IQCH: variants seen among roughly 807,000 people sequenced by gnomAD.
IQCH encodes IQ motif containing H, also known as IQ domain-containing protein H.
A neutral mutation model predicts 117.0 loss-of-function variants in IQCH; 98 were observed. The ratio of observed to expected loss-of-function variants is 0.84; its 90% CI spans 0.71 to 0.99. The LOEUF (loss-of-function observed/expected upper bound fraction) is 0.99. IQCH is among the 50% of genes least tolerant of loss of function. The pLI, the probability that IQCH is intolerant of heterozygous loss-of-function variation, is 0.00. For synonymous variants in IQCH, 412 were observed against 448.2 expected (o/e 0.92, Z 1.02); for missense variants, 1,102 against 1,243.8 (o/e 0.89, Z 1.72).
At chr15:67,278,794 T>G (rs1966233234) in intron 3 of IQCH, among the ~76,000 whole-genome samples, 1 of 152,194 alleles carries the variant, frequency 6.6e-6, no homozygotes, top group Admixed American at 6.5e-5. Context: ...ATATTGATAA[T>G]CTTAAAGATC....
rs576214156 is a variant in IQCH at position 67,342,805 on chromosome 15, A to G, written c.509-1258A>G. On this transcript the variant is annotated intron_variant, in intron 5 of 20. Transcript: ENST00000335894. This position sits in a 1 kb window ranked among gnomAD's most constrained non-coding sequence, Gnocchi z 4.7. ...AACCTGGAGTGCTTATTTAACATGT[A>G]TGTTACTGGGCCCCAATTCTAGTGG... Among the ~76,000 whole-genome samples the G allele has an allele frequency of 2.4e-4, 37 of 152,254 alleles. No homozygotes were observed. Among genetic ancestry groups the G allele is most frequent in the African/African-American group, 6.7e-4 (28 of 41,548 alleles).
Position 67,384,107 on chromosome 15 carries a change from G to C in IQCH, c.1373-829G>C, listed in dbSNP as rs1971029953. Among the ~76,000 whole-genome samples the C allele has an allele frequency of 6.6e-6, 1 of 152,052 alleles. No individual in the cohort carries two copies. Among genetic ancestry groups the C allele is most frequent in the Non-Finnish European group, 1.5e-5 (1 of 68,004 alleles). ...AGGCATTGAAGCATCTCTTCAAAAT[G>C]TGAAAAGCAATTTTAATGAAGAAAA... On this transcript the variant is annotated intron_variant, in intron 10 of 20. Coordinates refer to ENST00000335894, the MANE Select transcript of IQCH (RefSeq NM_001031715.3). The surrounding 1 kb of genome is among the most constrained non-coding windows in gnomAD (Gnocchi z 4.3).
chr15:67,350,457 C>T (rs1323858685), intron 6 of IQCH, among the ~76,000 whole-genome samples: 3 of 152,032 alleles, frequency 2.0e-5, no homozygotes, highest in Non-Finnish European at 2.9e-5. Context: ...AATGGAGTCT[C>T]GCTCTGTTGC....
At position 67,472,063 on chromosome 15, in the gene IQCH, G is replaced by GTGAC. The variant is rs1451513529; in HGVS notation, c.2677-3632_2677-3629dup. On this transcript the variant is annotated intron_variant, in intron 17 of 20. Coordinates refer to ENST00000335894, the MANE Select transcript of IQCH (RefSeq NM_001031715.3). This position sits in a 1 kb window ranked among gnomAD's most constrained non-coding sequence, Gnocchi z 4.3. ...ATACACATGGATAAATGCCATTTGA[G>GTGAC]TGACAGACCCTCAGCTTGCTGCCAG... Among the ~76,000 whole-genome samples the GTGAC allele has an allele frequency of 6.6e-6, 1 of 152,210 alleles. No homozygotes were observed. The highest frequency in any genetic ancestry group is 1.5e-5 in the Non-Finnish European group (1 of 68,042).
chr15:67,339,686 T>C (rs945051156), intron 5 of IQCH, among the ~76,000 whole-genome samples: 6 of 152,142 alleles, frequency 3.9e-5, no homozygotes. Flanking sequence ...TTAAAAAAAT[T>C]CTTACAATCT....
chr15:67,275,239 A>G (rs1278807081), intron 3 of IQCH, among the ~76,000 whole-genome samples: 1 of 152,186 alleles, frequency 6.6e-6, no homozygotes, highest in Non-Finnish European at 1.5e-5. Flanking sequence ...CTGGTTGTCA[A>G]CCTTGATCTC....
At position 67,362,131 on chromosome 15, in the gene IQCH, C is replaced by T. The variant is rs193067451; in HGVS notation, c.753+2246C>T. Among the ~76,000 whole-genome samples the T allele has an allele frequency of 6.4e-4, 76 of 118,332 alleles. No individual in the cohort carries two copies. In the Admixed American group the frequency reaches 6.6e-3, roughly 10 times the overall value. The allele number at this position is 118,332 out of a possible 152,430, so 77.6% of individuals were successfully genotyped here. A position where few individuals can be genotyped will look rare whatever the true frequency, so the allele number is the denominator to read the frequency against. On this transcript the variant is annotated intron_variant, in intron 8 of 20. Coordinates refer to ENST00000335894, the MANE Select transcript of IQCH (RefSeq NM_001031715.3). ...GGATGTTAACTTTATATATATATAA[C>T]ATACATATACGCACACACCACACAC...
In IQCH at chr15:67,413,967, A is replaced by G. The variant is rs1056766960; in HGVS notation, c.2098-2964A>G. On this transcript the variant is annotated intron_variant, in intron 14 of 20. Coordinates refer to ENST00000335894, the MANE Select transcript of IQCH (RefSeq NM_001031715.3). The surrounding 1 kb of genome is among the most constrained non-coding windows in gnomAD (Gnocchi z 5.0). ...CTGGCACAGTGTCCAGATGCCACAC[A>G]CAAGCAGCAGGCTGATGAGTTACTT... Among the ~76,000 whole-genome samples the G allele has an allele frequency of 1.3e-5, 2 of 152,226 alleles. No individual in the cohort carries two copies. The highest frequency in any genetic ancestry group is 4.8e-5 in the African/African-American group (2 of 41,462).
Position 67,413,435 on chromosome 15 carries a change from G to C in IQCH, c.2098-3496G>C, listed in dbSNP as rs2081499498. 1 of 152,242 alleles carries C rather than the reference G, an allele frequency of 6.6e-6. No homozygotes were observed. The highest frequency in any genetic ancestry group is 6.5e-5 in the Admixed American group (1 of 15,300). The allele number at this position is 152,242 out of a possible 1,614,324, so 9.4% of individuals were successfully genotyped here. On this transcript the variant is annotated intron_variant, in intron 14 of 20. Transcript: ENST00000335894. This position sits in a 1 kb window ranked among gnomAD's most constrained non-coding sequence, Gnocchi z 5.0. ...GTACCAGCAGAAACCAGACTGTAAA[G>C]GGTTGTTTTGTTGGGGGGATAAAAT...
rs778644323 is a variant in IQCH, at chr15:67,500,780, A to G, written c.*34A>G. On this transcript the variant is annotated 3_prime_UTR_variant, in exon 21 of 21. Coordinates refer to ENST00000335894, the MANE Select transcript of IQCH (RefSeq NM_001031715.3). The surrounding 1 kb of genome is among the most constrained non-coding windows in gnomAD (Gnocchi z 4.4). ...TACAGTACATAACAATTTGGATCCC[A>G]GTCTGGAATAAAAAGGGCAATTTTT... is the stretch of plus-strand genomic sequence containing the variant. 2 of 1,199,762 alleles carry G rather than the reference A, an allele frequency of 1.7e-6. No homozygotes were observed. The highest frequency in any genetic ancestry group is 2.9e-5 in the South Asian group (2 of 69,068). The allele number at this position is 1,199,762 out of a possible 1,614,324, so 74.3% of individuals were successfully genotyped here.
At chr15:67,482,230 A>G (rs2083359210) in intron 18 of IQCH, among the ~76,000 whole-genome samples, 3 of 152,182 alleles carry the variant, frequency 2.0e-5, no homozygotes, top group Non-Finnish European at 4.4e-5. Context: ...TTTCCCACCA[A>G]AGGATAGGGG....
At chr15:67,412,487 C>G (rs1229183234) in intron 14 of IQCH, among the ~76,000 whole-genome samples, 2 of 152,028 alleles carry the variant, frequency 1.3e-5, no homozygotes, top group East Asian at 1.9e-4. Context: ...TCAATTTACT[C>G]TAACCCCTGC....
rs1239912179 is a variant in IQCH, at chr15:67,496,308, A to T, written c.2970+1942A>T. On this transcript the variant is annotated intron_variant, in intron 20 of 20. Coordinates refer to ENST00000335894, the MANE Select transcript of IQCH (RefSeq NM_001031715.3). This position sits in a 1 kb window ranked among gnomAD's most constrained non-coding sequence, Gnocchi z 4.4. The stretch of plus-strand genomic sequence containing the variant: ...AATAAAAAAAAGGAAGATAATGCAG[A>T]AAATGCATTTAACAAAATGTAACAT... 6.6e-6 allele frequency among the ~76,000 whole-genome samples: 1 copy of T among 152,206 alleles called. No individual in the cohort carries two copies. The highest frequency in any genetic ancestry group is 1.5e-5 in the Non-Finnish European group (1 of 68,042).
intron 12 of IQCH, among the ~76,000 whole-genome samples, chr15:67,392,537 G>T (rs1971320158): frequency 6.6e-6 from 1 of 152,078 alleles, no homozygotes; most frequent in Non-Finnish European, 1.5e-5. Context: ...AGCATTTTGG[G>T]AGGCCAAGGC....
intron 18 of IQCH, among the ~76,000 whole-genome samples, chr15:67,488,320 A>G (rs189619359): frequency 6.6e-6 from 1 of 152,318 alleles, no homozygotes; most frequent in East Asian, 1.9e-4. Context: ...CCCTGTCTCC[A>G]AAACACAAAA....
Position 67,461,710 on chromosome 15 carries a change from A to G in IQCH, c.2506-3417A>G, listed in dbSNP as rs138076023. ...TAGAAACAGAGTTCTGGTTTGTACT[A>G]TATGATCTTAGGCAAACTATGAGGC... On this transcript the variant is annotated intron_variant, in intron 16 of 20. Transcript: ENST00000335894. 1.3e-3 allele frequency among the ~76,000 whole-genome samples: 200 copies of G among 152,336 alleles called. 1 individual carries two copies. The highest frequency in any genetic ancestry group is 2.0e-3 in the Non-Finnish European group (138 of 68,032).
chr15:67,277,245 A>G (rs1160230501), intron 3 of IQCH, among the ~76,000 whole-genome samples: 5 of 152,176 alleles, frequency 3.3e-5, no homozygotes, highest in Non-Finnish European at 7.4e-5. Flanking sequence ...CCCTTAGCCT[A>G]TTAATCAGAG....
In IQCH at chr15:67,384,278, G is replaced by T. The variant is rs1247224499; in HGVS notation, c.1373-658G>T. Among the ~76,000 whole-genome samples, 1 of 151,922 alleles carries T rather than the reference G, an allele frequency of 6.6e-6. No homozygotes were observed. The highest frequency in any genetic ancestry group is 2.4e-5 in the African/African-American group (1 of 41,356). On this transcript the variant is annotated intron_variant, in intron 10 of 20. Coordinates refer to ENST00000335894, the MANE Select transcript of IQCH (RefSeq NM_001031715.3). This position sits in a 1 kb window ranked among gnomAD's most constrained non-coding sequence, Gnocchi z 4.3. The stretch of plus-strand genomic sequence containing the variant: ...AAGTATTTCCGCTGTTGTTTCTTTT[G>T]TGAGAGATTTTTGGACAATAGTAAT...
Position 67,395,773 on chromosome 15 carries a change from G to A in IQCH, c.1905+210G>A, listed in dbSNP as rs549372416. Reference sequence around the variant, plus strand: ...GTCTCACTCTGTCATCCAGGCTGGAGGGCAGTGGTGTGATCTTGGCTCACT... The same window carrying A: ...GTCTCACTCTGTCATCCAGGCTGGAAGGCAGTGGTGTGATCTTGGCTCACT... On this transcript the variant is annotated intron_variant, in intron 13 of 20. Coordinates refer to ENST00000335894, the MANE Select transcript of IQCH (RefSeq NM_001031715.3). This position sits in a 1 kb window ranked among gnomAD's most constrained non-coding sequence, Gnocchi z 4.0. Among the ~76,000 whole-genome samples the A allele has an allele frequency of 1.5e-4, 22 of 150,952 alleles. No homozygotes were observed. In the South Asian group the frequency reaches 4.6e-3, roughly 32 times the overall value.
Sources: allele counts gnomAD v4.1 joint callset (sites outside exome capture counted in the v4.1 genomes callset), GRCh38; gene constraint gnomAD v4.1.1; non-coding constraint Gnocchi (gnomAD v3.1); transcripts MANE v1.5; gene names NCBI Gene and HGNC (gene_info 2026-07-23, HGNC 2026-07-21).